YTHDC2: variants seen among roughly 807,000 people sequenced by gnomAD.
The protein encoded by YTHDC2 is YTH N6-methyladenosine RNA binding protein C2.
In YTHDC2, 45 loss-of-function variants were observed where a neutral mutation model predicts 174.9. That is an observed-to-expected ratio of 0.26 (90% CI 0.20 to 0.33). The LOEUF is 0.33. Among genes scored for constraint, YTHDC2 ranks in the 10% least tolerant of loss-of-function variants. The probability of loss-of-function intolerance (pLI) is 1.00; values close to 1 mark genes in which losing one functional copy is unlikely to be tolerated. For synonymous variants in YTHDC2, 657 were observed against 574.5 expected, an observed-to-expected ratio of 1.14 and a Z score of -2.05; for missense variants, 1,650 against 1,723.7, an observed-to-expected ratio of 0.96 and a Z score of 0.76.
intron 26 of YTHDC2, among the ~76,000 whole-genome samples, chr5:113,586,254 A>G (rs1010794708): frequency 2.0e-5 from 3 of 151,960 alleles, no homozygotes; most frequent in African/African-American, 7.2e-5. Flanking sequence ...TTTCCCAGTT[A>G]CTAATGATGT....
At chr5:113,583,014 G>A (rs1259164409) in intron 25 of YTHDC2, 1 of 152,128 alleles carries the variant, frequency 6.6e-6, no homozygotes, top group East Asian at 1.9e-4. Context: ...TATTTAGGAT[G>A]TAGGAATATA....
Position 113,595,114 on chromosome 5 carries a change from G to T in YTHDC2, c.*1640G>T, listed in dbSNP as rs940456490. ...GTTCACAATGTTCTAAATTTGGAAG[G>T]ACTTAAAAAAAAAACTTGTTTAAAT... On this transcript the variant is annotated 3_prime_UTR_variant, in exon 30 of 30. Coordinates refer to ENST00000161863, the MANE Select transcript of YTHDC2 (RefSeq NM_022828.5). The T allele has an allele frequency of 4.6e-5, 7 of 151,534 alleles. No individual in the cohort carries two copies. The highest frequency in any genetic ancestry group is 1.3e-4 in the Admixed American group (2 of 15,232). 9.4% of individuals were successfully genotyped at this position (151,534 alleles called of 1,614,324 possible).
In YTHDC2 at chr5:113,556,073, T is replaced by A; in HGVS notation, c.2155T>A (p.Phe719Ile). 1 of 1,606,572 alleles carries A rather than the reference T, an allele frequency of 6.2e-7. No individual in the cohort carries two copies. Among genetic ancestry groups the A allele is most frequent in the Non-Finnish European group, 8.5e-7 (1 of 1,174,314 alleles). ...VKEKSFDALN[F>I]VTMLKMVWIS... ...ACAGAAATCCTTTGATGCTCTGAATTTTGTTACAATGTTAAAAATGGTATG... is the reference window on the plus strand; with the variant it reads ...ACAGAAATCCTTTGATGCTCTGAATATTGTTACAATGTTAAAAATGGTATG... Residue 719 changes from phenylalanine (F) to isoleucine (I), a missense_variant, in exon 17 of 30, where the codon TTT becomes ATT. Transcript: ENST00000161863.
chr5:113,559,432 A>C lies in YTHDC2; in HGVS notation c.2217-1648A>C, dbSNP rs193002290. On this transcript the variant is annotated intron_variant, in intron 17 of 29. Coordinates refer to ENST00000161863, the MANE Select transcript of YTHDC2 (RefSeq NM_022828.5). ...GAGCAAATATCACATTTATGGTGAC[A>C]GTGCCCTGAAGAAATCAACAGTTTA... Among the ~76,000 whole-genome samples the C allele has an allele frequency of 6.0e-3, 909 of 152,356 alleles. 4 individuals carry two copies. Among genetic ancestry groups the C allele is most frequent in the Middle Eastern group, 0.02 (6 of 294 alleles).
chr5:113,544,770 C>T (rs1286516456), intron 10 of YTHDC2, among the ~76,000 whole-genome samples: 1 of 151,692 alleles, frequency 6.6e-6, no homozygotes. Context: ...TCCCCTCCTT[C>T]CCTGGTCTGC....
rs1462019395 is a variant in YTHDC2, at chr5:113,554,712, G to C, written c.2133+690G>C. ...AGCCTAAAATATTTACTATTTGAAA[G>C]TCCTTTTCAAAAACAGCCAACCTTT... On this transcript the variant is annotated intron_variant, in intron 16 of 29. Transcript: ENST00000161863. Among the ~76,000 whole-genome samples the C allele has an allele frequency of 2.0e-5, 3 of 150,282 alleles. No homozygotes were observed. In the South Asian group the frequency reaches 6.3e-4, roughly 31 times the overall value.
intron 12 of YTHDC2, among the ~76,000 whole-genome samples, chr5:113,549,536 A>G (rs1580551957): frequency 6.6e-6 from 1 of 152,326 alleles, no homozygotes; most frequent in South Asian, 2.1e-4. Flanking sequence ...GTTAGTTATC[A>G]AAGAGAAAAC....
chr5:113,542,562 T>A, intron 10 of YTHDC2, 59 bp downstream of exon 10: 1 of 1,497,730 alleles, frequency 6.7e-7, no homozygotes, highest in Non-Finnish European at 9.0e-7. Context: ...GGAAGTATAG[T>A]TTAATTCAAA....
chr5:113,593,442 C>G, intron 29 of YTHDC2, 40 bp from the exon 30 acceptor site: 1 of 1,377,570 alleles, frequency 7.3e-7, no homozygotes, highest in Non-Finnish European at 1.0e-6. Context: ...CATTAGGAAC[C>G]TTTCAGATTA....
intron 8 of YTHDC2, 73 bp downstream of exon 8, chr5:113,539,254 T>A: frequency 5.2e-6 from 3 of 574,352 alleles, no homozygotes; most frequent in Non-Finnish European, 8.5e-6. Flanking sequence ...CATCCTTACA[T>A]TGTGGAGGTA....
intron 4 of YTHDC2, among the ~76,000 whole-genome samples, chr5:113,532,375 C>T (rs532021732): frequency 4.6e-5 from 7 of 152,048 alleles, no homozygotes; most frequent in South Asian, 2.1e-4. Flanking sequence ...GATTTTAAAT[C>T]GTTCCAACCT....
intron 18 of YTHDC2, among the ~76,000 whole-genome samples, chr5:113,563,014 A>G (rs1455194131): frequency 6.6e-6 from 1 of 151,956 alleles, no homozygotes; most frequent in Admixed American, 6.6e-5. Context: ...GCACTTAAAT[A>G]TTTGCTGAGT....
chr5:113,589,429 A>ATATATATG (rs1554103546), intron 26 of YTHDC2, among the ~76,000 whole-genome samples: 20 of 138,294 alleles, frequency 1.4e-4, no homozygotes, highest in African/African-American at 5.0e-4. Context: ...ATATATATAT[A>ATATATATG]TATGTATATA....
At chr5:113,589,407 AAATATAT>A (rs1398782349) in intron 26 of YTHDC2, among the ~76,000 whole-genome samples, 2 of 108,692 alleles carry the variant, frequency 1.8e-5, no homozygotes, top group African/African-American at 7.8e-5. Flanking sequence ...AAAAAAAAAA[AAATATAT>A]ATATATATAT....
At chr5:113,519,672 G>C (rs565231876) in intron 2 of YTHDC2, among the ~76,000 whole-genome samples, 1 of 152,090 alleles carries the variant, frequency 6.6e-6, no homozygotes, top group African/African-American at 2.4e-5. Flanking sequence ...TCAAGATATC[G>C]GCAGGGCTGC....
chr5:113,563,812 T>C lies in YTHDC2; in HGVS notation c.2443-47T>C, dbSNP rs191291552. 127 of 1,597,926 alleles carry C rather than the reference T, an allele frequency of 7.9e-5. No individual in the cohort carries two copies. In the African/African-American group the frequency reaches 1.2e-3, roughly 16 times the overall value. On this transcript the variant is annotated intron_variant, in intron 19 of 29. Transcript: ENST00000161863. ...GGGGTTTTTAATTATGTGTTTTGATTAAACAGTTTGCTCACATCAAAGTCT... is the reference window on the plus strand; with the variant it reads ...GGGGTTTTTAATTATGTGTTTTGATCAAACAGTTTGCTCACATCAAAGTCT...
Position 113,564,107 on chromosome 5 carries a change from T to C in YTHDC2, c.2691T>C (p.His897=). The C allele has an allele frequency of 6.2e-7, 1 of 1,614,110 alleles. No homozygotes were observed. The highest frequency in any genetic ancestry group is 8.5e-7 in the Non-Finnish European group (1 of 1,179,998). Reference sequence around the variant, plus strand: ...TTACTGCAGGAGCTTTCAGTGACCATATGGCACTTCTCAGAGCATTCCAGG... The same window carrying C: ...TTACTGCAGGAGCTTTCAGTGACCACATGGCACTTCTCAGAGCATTCCAGG... ...KRFTAGAFSD[H]MALLRAFQAW... is the part of the protein sequence containing the mutation. The change falls in exon 20 of 30, where the codon CAT becomes CAC. Residue 897 remains histidine, a synonymous_variant. Transcript: ENST00000161863.
chr5:113,585,149 C>G (rs1211091859), intron 26 of YTHDC2, among the ~76,000 whole-genome samples: 3 of 151,226 alleles, frequency 2.0e-5, no homozygotes, highest in Non-Finnish European at 2.9e-5. Context: ...ATTTCAGAAT[C>G]GAAAACAGTG....
chr5:113,569,984 A>G (rs1387278335), intron 23 of YTHDC2, among the ~76,000 whole-genome samples: 1 of 152,140 alleles, frequency 6.6e-6, no homozygotes, highest in Non-Finnish European at 1.5e-5. Flanking sequence ...ACGTTTTTCC[A>G]TTTGTTTATG....
Sources: gnomAD v4.1 joint callset for allele counts (sites outside exome capture counted in the v4.1 genomes callset) on GRCh38, gnomAD v4.1.1 for gene constraint, MANE v1.5 for transcripts, NCBI Gene and HGNC (gene_info 2026-07-23, HGNC 2026-07-21) for gene names.